CEACAM6: variants seen among roughly 807,000 people sequenced by gnomAD.
The protein encoded by CEACAM6 is CEA cell adhesion molecule 6, also known as cell adhesion molecule CEACAM6.
CEACAM6 carries 21 observed loss-of-function variants against 32.4 expected under a neutral mutation model. The ratio of observed to expected loss-of-function variants is 0.65; its 90% CI spans 0.46 to 0.93. The LOEUF (loss-of-function observed/expected upper bound fraction) is 0.93, where lower values mean the gene tolerates loss of function less well. CEACAM6 is among the 40% of genes least tolerant of loss of function. CEACAM6 has a pLI of 0.00. For synonymous variants in CEACAM6, 184 were observed against 174.4 expected (o/e 1.06, Z -0.43); for missense variants, 406 against 432.2 (o/e 0.94, Z 0.54).
At position 41,756,689 on chromosome 19, in the gene CEACAM6, C is replaced by G; in HGVS notation, c.154C>G (p.Leu52Val). ...CAATGTCGCAGAGGGGAAGGAGGTTCTTCTACTCGCCCACAACCTGCCCCA... is the reference window on the plus strand; with the variant it reads ...CAATGTCGCAGAGGGGAAGGAGGTTGTTCTACTCGCCCACAACCTGCCCCA... ...PFNVAEGKEV[L>V]LLAHNLPQNR... The change falls in exon 2 of 6, where the codon CTT (leucine) becomes GTT (valine). Residue 52 changes from leucine (L) to valine (V), a missense_variant. Physicochemically the swap from Leu to Val is conservative, Grantham distance 32. Coordinates refer to ENST00000199764, the MANE Select transcript of CEACAM6 (RefSeq NM_002483.7). The G allele has an allele frequency of 6.2e-7, 1 of 1,614,130 alleles. No homozygotes were observed. Among genetic ancestry groups the G allele is most frequent in the Non-Finnish European group, 8.5e-7 (1 of 1,180,024 alleles).
rs868976093 is a variant in CEACAM6 at position 41,768,087 on chromosome 19, A to T, written c.*40+1788A>T. Among the ~76,000 whole-genome samples the T allele has an allele frequency of 9.2e-4, 140 of 151,802 alleles. 2 individuals carry two copies. Among genetic ancestry groups the T allele is most frequent in the African/African-American group, 3.1e-3 (127 of 41,412 alleles). On this transcript the variant is annotated intron_variant, in intron 5 of 5. Transcript: ENST00000199764. ...TCTTTTTTTATTTTTATTTTTATTTATTTTTATTTTTTTTTATTGATCATT... is the reference window on the plus strand; with the variant it reads ...TCTTTTTTTATTTTTATTTTTATTTTTTTTTATTTTTTTTTATTGATCATT...
rs984723262 is a variant in CEACAM6, at chr19:41,766,072, A to T, written c.959-111A>T. On this transcript the variant is annotated intron_variant, in intron 4 of 5. Transcript: ENST00000199764. The stretch of plus-strand genomic sequence containing the variant: ...AAAATTGCAACTTTCCCACAAAACT[A>T]GTGTATTCCTTGAAGGAACAAGTCA... 1.6e-4 allele frequency: 102 copies of T among 637,224 alleles called. No individual in the cohort carries two copies. In the East Asian group the frequency reaches 3.2e-3, roughly 20 times the overall value. The allele number at this position is 637,224 out of a possible 1,614,324, so 39.5% of individuals were successfully genotyped here. A position where few individuals can be genotyped will look rare whatever the true frequency, so the allele number is the denominator to read the frequency against.
At chr19:41,759,325 C>T (rs2072908830) in intron 2 of CEACAM6, among the ~76,000 whole-genome samples, 2 of 152,230 alleles carry the variant, frequency 1.3e-5, no homozygotes, top group South Asian at 4.1e-4. Flanking sequence ...AACTTAAACT[C>T]TCATTGTGTT....
intron 1 of CEACAM6, among the ~76,000 whole-genome samples, 162 bp downstream of exon 1, chr19:41,755,864 A>T (rs1178619405): frequency 6.6e-6 from 1 of 152,236 alleles, no homozygotes; most frequent in East Asian, 1.9e-4. Context: ...GGAAAGTCAC[A>T]CTAAACTGGG....
rs781893655 is a variant in CEACAM6 at position 41,755,655 on chromosome 19, C to T, written c.17C>T (p.Ala6Val). 1.2e-5 allele frequency: 19 copies of T among 1,609,380 alleles called. No homozygotes were observed. Among genetic ancestry groups the T allele is most frequent in the Non-Finnish European group, 1.6e-5 (19 of 1,177,984 alleles). Residue 6 changes from alanine to valine, a missense_variant, in exon 1 of 6, where the codon GCC becomes GTC. By Grantham distance (64) the Ala-to-Val change is moderately conservative (BLOSUM62 0). Transcript: ENST00000199764. ...GCAGAGACCATGGGACCCCCCTCAG[C>T]CCCTCCCTGCAGATTGCATGTCCCC... The part of the protein sequence containing the change: MGPPS[A>V]PPCRLHVPWK...
chr19:41,764,659 T>G (rs116580411), intron 4 of CEACAM6, among the ~76,000 whole-genome samples: 1,763 of 152,340 alleles, frequency 0.012, 32 homozygotes, highest in African/African-American at 0.04. Context: ...TGATTGTCAA[T>G]TTTGTTGATC....
chr19:41,767,591 C>T (rs939418792), intron 5 of CEACAM6, among the ~76,000 whole-genome samples: 1 of 152,200 alleles, frequency 6.6e-6, no homozygotes, highest in South Asian at 2.1e-4. Flanking sequence ...CAAGCCCCAA[C>T]CATAAATTCT....
At chr19:41,769,718 A>G (rs74625305) in intron 5 of CEACAM6, among the ~76,000 whole-genome samples, 7 of 118,216 alleles carry the variant, frequency 5.9e-5, no homozygotes, top group Non-Finnish European at 1.4e-4. Flanking sequence ...TGCACAAAAA[A>G]TATAGTTATT....
chr19:41,758,846 G>C (rs2122910684), intron 2 of CEACAM6, among the ~76,000 whole-genome samples: 1 of 152,310 alleles, frequency 6.6e-6, no homozygotes, highest in East Asian at 1.9e-4. Flanking sequence ...AGAAGGCACA[G>C]AAATCAGCCG....
intron 5 of CEACAM6, among the ~76,000 whole-genome samples, chr19:41,769,779 T>C (rs1444189731): frequency 6.7e-6 from 1 of 148,488 alleles, no homozygotes; most frequent in Non-Finnish European, 1.5e-5. Context: ...TATTTGATGA[T>C]CATTATTTAA....
At position 41,761,976 on chromosome 19, in the gene CEACAM6, A is replaced by AG; in HGVS notation, c.712dup (p.Asp238GlyfsTer27). The AG allele has an allele frequency of 6.2e-7, 1 of 1,613,562 alleles. No individual in the cohort carries two copies. Among genetic ancestry groups the AG allele is most frequent in the African/African-American group, 1.3e-5 (1 of 75,008 alleles). ...TTATTCTGTTTCCTCCAGATGGCCCAGATGTCCCCACCATTTCCCCCTCAA... is the reference window on the plus strand; with the variant it reads ...TTATTCTGTTTCCTCCAGATGGCCCAGGATGTCCCCACCATTTCCCCCTCAA... On this transcript the variant is annotated frameshift_variant, in exon 4 of 6. Transcript: ENST00000199764. LOFTEE classifies it high-confidence loss of function.
chr19:41,768,314 C>T (rs577110055), intron 5 of CEACAM6, among the ~76,000 whole-genome samples: 1 of 152,292 alleles, frequency 6.6e-6, no homozygotes, highest in South Asian at 2.1e-4. Flanking sequence ...AACGAGCATG[C>T]TGCCTTCAAG....
intron 5 of CEACAM6, among the ~76,000 whole-genome samples, chr19:41,767,321 T>C (rs1217002338): frequency 6.6e-6 from 1 of 152,156 alleles, no homozygotes; most frequent in Non-Finnish European, 1.5e-5. Flanking sequence ...AGTATTAATA[T>C]GTGAACTTTG....
Position 41,755,675 on chromosome 19 carries a change from G to T in CEACAM6, c.37G>T (p.Val13Phe). 3 of 1,607,034 alleles carry T rather than the reference G, an allele frequency of 1.9e-6. No individual in the cohort carries two copies. Among genetic ancestry groups the T allele is most frequent in the Non-Finnish European group, 2.5e-6 (3 of 1,177,082 alleles). The change falls in exon 1 of 6, where the codon GTC becomes TTC. Residue 13 changes from valine to phenylalanine, a missense_variant. Val to Phe is a conservative substitution (Grantham distance 50). Transcript: ENST00000199764. ...CTCAGCCCCTCCCTGCAGATTGCAT[G>T]TCCCCTGGAAGGAGGTCCTGCTCAC... ...PPSAPPCRLH[V>F]PWKEVLLTAS... is the part of the protein sequence containing the mutation.
chr19:41,760,772 T>G (rs1253211002), intron 2 of CEACAM6, among the ~76,000 whole-genome samples: 1 of 152,208 alleles, frequency 6.6e-6, no homozygotes, highest in East Asian at 1.9e-4. Flanking sequence ...CACAGTATCC[T>G]TGGGGTTTAA....
At chr19:41,757,841 T>C (rs1446134923) in intron 2 of CEACAM6, 1 of 152,210 alleles carries the variant, frequency 6.6e-6, no homozygotes, top group Non-Finnish European at 1.5e-5. Context: ...CACAGCCAAA[T>C]AGCACTTATC....
chr19:41,765,734 C>G (rs782537814), intron 4 of CEACAM6, among the ~76,000 whole-genome samples: 14 of 152,144 alleles, frequency 9.2e-5, no homozygotes, highest in Non-Finnish European at 1.8e-4. Flanking sequence ...GCTTTCTTTC[C>G]CCTGGTGGGA....
At chr19:41,761,193 C>A in intron 2 of CEACAM6, 56 bp from the exon 3 acceptor site, 1 of 1,612,370 alleles carries the variant, frequency 6.2e-7, no homozygotes, top group Non-Finnish European at 8.5e-7. Flanking sequence ...TGAAAGATGC[C>A]TGTGGAGGAA....
At position 41,769,079 on chromosome 19, in the gene CEACAM6, G is replaced by A. The variant is rs577270163; in HGVS notation, c.*41-1723G>A. On this transcript the variant is annotated intron_variant, in intron 5 of 5. Transcript: ENST00000199764. ...TCCTGCCTCAGCCCCCTGCACAGCT[G>A]GGATTACAGGCATGCGTCACCATGC... 2.6e-4 allele frequency among the ~76,000 whole-genome samples: 39 copies of A among 152,176 alleles called. No homozygotes were observed. In the South Asian group the frequency reaches 7.3e-3, roughly 28 times the overall value.
Sources: gnomAD v4.1 joint callset for allele counts (sites outside exome capture counted in the v4.1 genomes callset) on GRCh38, gnomAD v4.1.1 for gene constraint, MANE v1.5 for transcripts, NCBI Gene and HGNC (gene_info 2026-07-23, HGNC 2026-07-21) for gene names.